The following TENM4 variants were observed in gnomAD, a reference collection of about 807,000 sequenced individuals.
TENM4 encodes the protein teneurin-4.
A neutral mutation model predicts 243.3 loss-of-function variants in TENM4; 82 were observed. The observed-to-expected ratio is 0.34, with a 90% CI of 0.28 to 0.40. The LOEUF (loss-of-function observed/expected upper bound fraction) is 0.40, where lower values mean the gene tolerates loss of function less well. Among genes scored for constraint, TENM4 ranks in the 10% least tolerant of loss-of-function variants. The pLI is 1.00. For missense variants in TENM4, 3,138 were observed against 3,673.3 expected, an observed-to-expected ratio of 0.85 and a Z score of 3.77; for synonymous variants, 1,412 against 1,456.3, an observed-to-expected ratio of 0.97 and a Z score of 0.69.
chr11:79,095,173 A>G (rs992540318), intron 4 of TENM4, among the ~76,000 whole-genome samples: 1 of 152,158 alleles, frequency 6.6e-6, no homozygotes, highest in Non-Finnish European at 1.5e-5. Context: ...TGCCCACAGA[A>G]ATAGCCCTAG....
intron 15 of TENM4, among the ~76,000 whole-genome samples, chr11:78,799,037 T>C (rs1479015828): frequency 2.6e-5 from 4 of 152,074 alleles, no homozygotes; most frequent in African/African-American, 4.8e-5. Flanking sequence ...AAAGATTCAG[T>C]GAATGAATGC....
chr11:78,677,651 T>A (rs1031486884), intron 29 of TENM4, among the ~76,000 whole-genome samples: 31 of 96,304 alleles, frequency 3.2e-4, no homozygotes, highest in African/African-American at 8.4e-4. Flanking sequence ...ACTGACAGAA[T>A]GACAAAAAAA....
chr11:79,414,835 G>A (rs1021534219), intron 1 of TENM4, among the ~76,000 whole-genome samples: 8 of 152,170 alleles, frequency 5.3e-5, no homozygotes, highest in Non-Finnish European at 8.8e-5. Flanking sequence ...AACCTTGGCC[G>A]GGTGCCTCCT....
intron 17 of TENM4, among the ~76,000 whole-genome samples, chr11:78,775,544 G>A (rs1856724794): frequency 6.6e-6 from 1 of 152,130 alleles, no homozygotes; most frequent in Non-Finnish European, 1.5e-5. Flanking sequence ...AGTACCTGTG[G>A]GTGGAACAAG....
chr11:78,853,425 C>T (rs1356136173), intron 12 of TENM4, among the ~76,000 whole-genome samples: 7 of 152,194 alleles, frequency 4.6e-5, no homozygotes, highest in Non-Finnish European at 8.8e-5. Flanking sequence ...TTCCCAGACA[C>T]CTACAGGCTT....
intron 14 of TENM4, among the ~76,000 whole-genome samples, chr11:78,807,939 A>G (rs763453238): frequency 1.3e-4 from 20 of 152,216 alleles, no homozygotes; most frequent in Non-Finnish European, 2.5e-4. Context: ...TCAGGTTGCT[A>G]TGAGGAGCAA....
At chr11:79,314,205 A>C (rs540094821) in intron 1 of TENM4, among the ~76,000 whole-genome samples, 27 of 152,308 alleles carry the variant, frequency 1.8e-4, no homozygotes, top group African/African-American at 6.5e-4. Context: ...AGGAATGATA[A>C]TGCCTGCCTC....
intron 6 of TENM4, among the ~76,000 whole-genome samples, chr11:78,918,099 C>T (rs1856361122): frequency 2.0e-5 from 3 of 152,174 alleles, no homozygotes; most frequent in Non-Finnish European, 4.4e-5. Flanking sequence ...GCTTCGACTC[C>T]CGTGCTCTTA....
chr11:78,884,184 GGTT>G (rs1855497146), intron 9 of TENM4, among the ~76,000 whole-genome samples: 1 of 152,184 alleles, frequency 6.6e-6, no homozygotes, highest in Non-Finnish European at 1.5e-5. Flanking sequence ...GGCAGAGAGA[GGTT>G]GTGTAAACTC....
intron 6 of TENM4, among the ~76,000 whole-genome samples, chr11:79,043,228 A>C (rs1696268723): frequency 1.3e-5 from 2 of 152,130 alleles, no homozygotes; most frequent in African/African-American, 4.8e-5. Flanking sequence ...TCAGAGGATA[A>C]TGTTCTATTG....
chr11:79,268,048 A>G (rs1855909836), intron 2 of TENM4, among the ~76,000 whole-genome samples: 1 of 152,218 alleles, frequency 6.6e-6, no homozygotes, highest in Non-Finnish European at 1.5e-5. Context: ...AAATATAATC[A>G]GGTATAAAAT....
chr11:79,080,301 G>C (rs145105646), intron 4 of TENM4, among the ~76,000 whole-genome samples: 2 of 152,170 alleles, frequency 1.3e-5, no homozygotes, highest in East Asian at 3.9e-4. Context: ...CTTGATCCTC[G>C]AAGAGCCCAC....
chr11:79,053,501 ACCCAGCTCTC>A (rs1007562007), intron 6 of TENM4, among the ~76,000 whole-genome samples: 6 of 152,176 alleles, frequency 3.9e-5, no homozygotes, highest in African/African-American at 1.4e-4. Flanking sequence ...CTATGATGCA[ACCCAGCTCTC>A]CTCTCTGGCC....
intron 6 of TENM4, among the ~76,000 whole-genome samples, chr11:78,945,547 G>C (rs534681296): frequency 6.6e-6 from 1 of 152,276 alleles, no homozygotes; most frequent in African/African-American, 2.4e-5. Context: ...CCAAGTGAAA[G>C]AAAGAGTTGT....
At chr11:78,677,822 T>C (rs1263138761) in intron 29 of TENM4, among the ~76,000 whole-genome samples, 2 of 149,508 alleles carry the variant, frequency 1.3e-5, no homozygotes, top group Admixed American at 6.7e-5. Context: ...GTGCACATTG[T>C]GCAGGTTAGT....
intron 2 of TENM4, among the ~76,000 whole-genome samples, chr11:79,244,628 G>C (rs1855481963): frequency 6.6e-6 from 1 of 152,048 alleles, no homozygotes; most frequent in Non-Finnish European, 1.5e-5. Context: ...CTGCTTGTTG[G>C]GTCTTGGAGT....
chr11:79,185,220 C>A (rs1863359806), intron 3 of TENM4, among the ~76,000 whole-genome samples: 1 of 152,040 alleles, frequency 6.6e-6, no homozygotes, highest in East Asian at 1.9e-4. Context: ...ATTGTTTGAG[C>A]CCTGAGTGTT....
At chr11:78,825,983 TGG>T (rs1857839143) in intron 12 of TENM4, among the ~76,000 whole-genome samples, 1 of 151,138 alleles carries the variant, frequency 6.6e-6, no homozygotes, top group African/African-American at 2.4e-5. Flanking sequence ...AAGTGGGGTG[TGG>T]GGAGCTGCTA....
intron 6 of TENM4, among the ~76,000 whole-genome samples, chr11:78,952,461 G>T (rs556148365): frequency 1.3e-5 from 2 of 152,214 alleles, no homozygotes; most frequent in Non-Finnish European, 2.9e-5. Flanking sequence ...AACAACGTGA[G>T]GGATGGATTA....
Sources: gnomAD v4.1 joint callset for allele counts (sites outside exome capture counted in the v4.1 genomes callset) on GRCh38, gnomAD v4.1.1 for gene constraint, MANE v1.5 for transcripts, NCBI Gene and HGNC (gene_info 2026-07-23, HGNC 2026-07-21) for gene names.